TBC1D22B: variants seen among roughly 807,000 people sequenced by gnomAD.
The protein encoded by TBC1D22B is TBC1 domain family member 22B.
In TBC1D22B, 32 loss-of-function variants were observed where a neutral mutation model predicts 69.1. The observed-to-expected ratio is 0.46, with a 90% CI of 0.35 to 0.62. The LOEUF is 0.62. TBC1D22B is among the 20% of genes least tolerant of loss of function. TBC1D22B has a pLI of 0.00. For synonymous variants in TBC1D22B, 206 were observed against 229.8 expected (o/e 0.90, Z 0.94); for missense variants, 462 against 630.9 (o/e 0.73, Z 2.87).
Position 37,279,371 on chromosome 6 carries a change from G to T in TBC1D22B, c.181G>T (p.Glu61Ter). The change falls in exon 3 of 13, where the codon GAG becomes TAG. Residue 61 changes from glutamate (E) to a stop codon, truncating the protein, a stop_gained. Transcript: ENST00000373491. LOFTEE classifies it high-confidence loss of function. ...LKNKKASSFH[E>*]FARNTSDAWD... ...GAATAAGAAGGCCTCCAGTTTTCAT[G>T]AGTTTGCACGGAATACCAGTGATGC... is the stretch of plus-strand genomic sequence containing the variant. 3 of 1,614,114 alleles carry T rather than the reference G, an allele frequency of 1.9e-6. No homozygotes were observed. Among genetic ancestry groups the T allele is most frequent in the Non-Finnish European group, 2.5e-6 (3 of 1,180,002 alleles).
intron 12 of TBC1D22B, among the ~76,000 whole-genome samples, chr6:37,324,839 A>G (rs1168479434): frequency 6.6e-6 from 1 of 152,174 alleles, no homozygotes; most frequent in Non-Finnish European, 1.5e-5. Context: ...CTACCCTGTG[A>G]CCCTAGGCAA....
intron 2 of TBC1D22B, 72 bp downstream of exon 2, chr6:37,269,722 G>T (rs1054274588): frequency 1.4e-6 from 2 of 1,445,976 alleles, no homozygotes; most frequent in Middle Eastern, 1.7e-4. Flanking sequence ...TTGTTGAAAT[G>T]ACAGTTTCCA....
At chr6:37,317,249 G>C (rs1768110481) in intron 12 of TBC1D22B, 43 bp downstream of exon 12, 1 of 1,536,902 alleles carries the variant, frequency 6.5e-7, no homozygotes, top group Non-Finnish European at 8.8e-7. Context: ...ATGAACATTA[G>C]AATGGGAGTT....
intron 1 of TBC1D22B, among the ~76,000 whole-genome samples, chr6:37,266,930 CTTTTTTTT>C (rs35702920): frequency 1.6e-4 from 9 of 54,860 alleles, no homozygotes; most frequent in East Asian, 6.4e-4. Flanking sequence ...TTTTCTTCGT[CTTTTTTTT>C]TTTTTTTTTT....
In TBC1D22B at chr6:37,288,437, G is replaced by A. The variant is rs1330039917; in HGVS notation, c.867+1365G>A. On this transcript the variant is annotated intron_variant, in intron 7 of 12. Coordinates refer to ENST00000373491, the MANE Select transcript of TBC1D22B (RefSeq NM_017772.4). ...AGTTTAAAAGGCTTCTCAGCCAGGC[G>A]TGATGACTCACTCCTATAATCCCAG... is the stretch of plus-strand genomic sequence containing the variant. 3.3e-5 allele frequency among the ~76,000 whole-genome samples: 5 copies of A among 152,226 alleles called. No homozygotes were observed. The South Asian group carries it at 8.3e-4, about 25-fold the overall frequency.
chr6:37,258,783 T>G (rs1765946405), intron 1 of TBC1D22B, among the ~76,000 whole-genome samples: 1 of 152,150 alleles, frequency 6.6e-6, no homozygotes, highest in Non-Finnish European at 1.5e-5. Flanking sequence ...TCAGTTTATT[T>G]TGGGCAAAGT....
intron 12 of TBC1D22B, among the ~76,000 whole-genome samples, chr6:37,329,906 C>G (rs1451541641): frequency 6.6e-6 from 1 of 152,210 alleles, no homozygotes; most frequent in African/African-American, 2.4e-5. Context: ...CCACACATAG[C>G]AGTGATGTGC....
rs1349149595 is a variant in TBC1D22B at position 37,267,333 on chromosome 6, C to CAT, written c.57-2255_57-2254dup. 1.1e-3 allele frequency among the ~76,000 whole-genome samples: 153 copies of CAT among 140,678 alleles called. 3 individuals carry two copies. In the South Asian group the frequency reaches 0.017, roughly 16 times the overall value. 92.3% of individuals were successfully genotyped at this position (140,678 alleles called of 152,430 possible). A position where few individuals can be genotyped will look rare whatever the true frequency, so the allele number is the denominator to read the frequency against. ...ATATATATATATATATACACACACA[C>CAT]ATATATAATATATATATACACACAT... On this transcript the variant is annotated intron_variant, in intron 1 of 12. Coordinates refer to ENST00000373491, the MANE Select transcript of TBC1D22B (RefSeq NM_017772.4).
chr6:37,302,571 A>T (rs931772252), intron 8 of TBC1D22B, among the ~76,000 whole-genome samples: 18 of 152,338 alleles, frequency 1.2e-4, no homozygotes, highest in Non-Finnish European at 2.4e-4. Flanking sequence ...GTGGTGTCTG[A>T]TGATATTTTT....
intron 5 of TBC1D22B, 105 bp downstream of exon 5, chr6:37,283,057 T>A (rs545414746): frequency 1.1e-6 from 1 of 872,884 alleles, no homozygotes; most frequent in African/African-American, 1.7e-5. Flanking sequence ...ACTTCTCTAG[T>A]CCTACTGGAT....
At chr6:37,273,166 G>T (rs368254363) in intron 2 of TBC1D22B, among the ~76,000 whole-genome samples, 4 of 118,492 alleles carry the variant, frequency 3.4e-5, no homozygotes, top group Admixed American at 3.4e-4. Flanking sequence ...TATAGCAGCC[G>T]ACTCGTAACC....
intron 1 of TBC1D22B, among the ~76,000 whole-genome samples, chr6:37,267,238 T>A (rs1032887249): frequency 1.3e-5 from 2 of 150,074 alleles, no homozygotes; most frequent in African/African-American, 4.9e-5. Flanking sequence ...CTTGCCCTTT[T>A]AAAAATATTT....
intron 2 of TBC1D22B, among the ~76,000 whole-genome samples, chr6:37,272,634 T>C (rs1282177648): frequency 6.6e-6 from 1 of 152,200 alleles, no homozygotes; most frequent in Admixed American, 6.5e-5. Context: ...GTGATCAGCC[T>C]GCCTTGGCCT....
At chr6:37,320,143 A>C (rs1277497883) in intron 12 of TBC1D22B, among the ~76,000 whole-genome samples, 1 of 152,214 alleles carries the variant, frequency 6.6e-6, no homozygotes, top group African/African-American at 2.4e-5. Flanking sequence ...AGAACAGGGA[A>C]AAAGAGCCAG....
Position 37,317,106 on chromosome 6 carries a change from C to A in TBC1D22B, c.1294-5C>A. On this transcript the variant is annotated splice_polypyrimidine_tract_variant and splice_region_variant and intron_variant, in intron 11 of 12. Transcript: ENST00000373491. ...GAGACCTAACTCTATTTTTCTGCTT[C>A]CCAGTCTGAACCAGAAGGGTTCTCC... The A allele has an allele frequency of 6.4e-7, 1 of 1,562,760 alleles. No individual in the cohort carries two copies.
chr6:37,268,097 G>T (rs1034688237), intron 1 of TBC1D22B, among the ~76,000 whole-genome samples: 1 of 152,162 alleles, frequency 6.6e-6, no homozygotes. Flanking sequence ...TTCTCTCACA[G>T]CTTCTTCAGA....
Position 37,327,275 on chromosome 6 carries a change from G to A in TBC1D22B, c.1390-3769G>A, listed in dbSNP as rs370954966. Among the ~76,000 whole-genome samples, 49 of 99,290 alleles carry A rather than the reference G, an allele frequency of 4.9e-4. No individual in the cohort carries two copies. In the South Asian group the frequency reaches 0.01, roughly 21 times the overall value. 65.1% of individuals were successfully genotyped at this position (99,290 alleles called of 152,430 possible). A position where few individuals can be genotyped will look rare whatever the true frequency, so the allele number is the denominator to read the frequency against. On this transcript the variant is annotated intron_variant, in intron 12 of 12. Transcript: ENST00000373491. Reference sequence around the variant, plus strand: ...GGGCGGATCACGAGGTCAGGAGATCGAGACCATCCTGGCTAACACGGTGAA... The same window carrying A: ...GGGCGGATCACGAGGTCAGGAGATCAAGACCATCCTGGCTAACACGGTGAA...
rs781045161 is a variant in TBC1D22B at position 37,311,254 on chromosome 6, GT to G, written c.983-1652del. On this transcript the variant is annotated intron_variant, in intron 8 of 12. Transcript: ENST00000373491. ...AAGCACCCCACCCTTCTCAAGAGGG[GT>G]TTTTTTTTTTTCAGCCTTGATGTTC... Among the ~76,000 whole-genome samples, 1,149 of 141,798 alleles carry G rather than the reference GT, an allele frequency of 8.1e-3. 18 individuals carry two copies. The highest frequency in any genetic ancestry group is 0.026 in the African/African-American group (1,002 of 38,978). The allele number at this position is 141,798 out of a possible 152,430, so 93.0% of individuals were successfully genotyped here. A position where few individuals can be genotyped will look rare whatever the true frequency, so the allele number is the denominator to read the frequency against.
chr6:37,314,015 G>T, intron 10 of TBC1D22B, 124 bp downstream of exon 10: 4 of 816,640 alleles, frequency 4.9e-6, no homozygotes, highest in African/African-American at 1.7e-5. Flanking sequence ...CGCACTGAGT[G>T]CTGCTGGCAG....
Sources: allele counts gnomAD v4.1 joint callset (sites outside exome capture counted in the v4.1 genomes callset), GRCh38; gene constraint gnomAD v4.1.1; transcripts MANE v1.5; gene names NCBI Gene and HGNC (gene_info 2026-07-23, HGNC 2026-07-21).